Variants in FRMD4A observed in about 807,000 individuals in gnomAD.
FRMD4A encodes the protein FERM domain containing 4A, also known as FERM domain-containing protein 4A.
A neutral mutation model predicts 129.1 loss-of-function variants in FRMD4A; 29 were observed. That is an observed-to-expected ratio of 0.22 (90% confidence interval 0.17 to 0.31). FRMD4A has a LOEUF of 0.31. Ranked by LOEUF, FRMD4A falls within the 10% of genes least tolerant of loss-of-function variation. The pLI, the probability that FRMD4A is intolerant of heterozygous loss-of-function variation, is 1.00. For synonymous variants in FRMD4A, 634 were observed against 571.6 expected, an observed-to-expected ratio of 1.11 and a Z score of -1.56; for missense variants, 1,272 against 1,375.8, an observed-to-expected ratio of 0.92 and a Z score of 1.19.
intron 2 of FRMD4A, among the ~76,000 whole-genome samples, chr10:14,203,645 G>A (rs1285645497): frequency 3.3e-5 from 5 of 152,130 alleles, no homozygotes; most frequent in African/African-American, 7.2e-5. Flanking sequence ...CGCTTCCCAC[G>A]GGGGTCACCT....
At chr10:13,738,978 C>T (rs2090826891) in intron 11 of FRMD4A, among the ~76,000 whole-genome samples, 1 of 152,082 alleles carries the variant, frequency 6.6e-6, no homozygotes, top group Non-Finnish European at 1.5e-5. Flanking sequence ...ATTCTATATT[C>T]AAATAGGATG....
intron 2 of FRMD4A, among the ~76,000 whole-genome samples, chr10:14,052,548 G>A (rs147166510): frequency 1.3e-5 from 2 of 152,078 alleles, no homozygotes; most frequent in East Asian, 3.9e-4. Flanking sequence ...TGGGGAGGAG[G>A]TGCCAGGCTC....
At chr10:13,706,239 G>T (rs1162981583) in intron 13 of FRMD4A, among the ~76,000 whole-genome samples, 2 of 152,192 alleles carry the variant, frequency 1.3e-5, no homozygotes, top group Admixed American at 6.5e-5. Flanking sequence ...CTTATGGAAA[G>T]TGATTTCTTA....
chr10:14,019,565 T>A (rs1229542995), intron 2 of FRMD4A, among the ~76,000 whole-genome samples: 1 of 152,244 alleles, frequency 6.6e-6, no homozygotes, highest in Non-Finnish European at 1.5e-5. Flanking sequence ...AGGAAAGGAC[T>A]GGAGCCTGGG....
intron 2 of FRMD4A, among the ~76,000 whole-genome samples, chr10:13,865,924 A>T (rs550103350): frequency 1.3e-5 from 2 of 152,168 alleles, no homozygotes; most frequent in South Asian, 2.1e-4. Flanking sequence ...GAGGGAAGGT[A>T]CGGTGAGGGA....
Position 13,747,830 on chromosome 10 carries a change from G to C in FRMD4A, c.465-11C>G, listed in dbSNP as rs1482348976. ...CTCACAACTTCATTGCTGAAAGAGA[G>C]AATGCCCAGAAACGCACTCACCCTC... On this transcript the variant is annotated splice_polypyrimidine_tract_variant and intron_variant, in intron 8 of 24. Coordinates refer to ENST00000357447, the MANE Select transcript of FRMD4A (RefSeq NM_018027.5). 3 of 1,501,532 alleles carry C rather than the reference G, an allele frequency of 2.0e-6. No homozygotes were observed. Among genetic ancestry groups the C allele is most frequent in the Non-Finnish European group, 2.8e-6 (3 of 1,077,556 alleles). 93.0% of individuals were successfully genotyped at this position (1,501,532 alleles called of 1,614,324 possible).
intron 6 of FRMD4A, among the ~76,000 whole-genome samples, chr10:13,770,800 C>A (rs1277966042): frequency 6.6e-6 from 1 of 152,080 alleles, no homozygotes; most frequent in African/African-American, 2.4e-5. Flanking sequence ...TCCATGTAAG[C>A]TTGTTTCTTG....
At chr10:13,892,189 A>T (rs1589188074) in intron 2 of FRMD4A, among the ~76,000 whole-genome samples, 2 of 151,124 alleles carry the variant, frequency 1.3e-5, no homozygotes, top group South Asian at 4.2e-4. Context: ...CAAGCGGGGG[A>T]CCCCTGGCTC....
chr10:13,874,694 C>T (rs1997330), intron 2 of FRMD4A, among the ~76,000 whole-genome samples: 152,109 of 152,350 alleles, frequency 1, 75,936 homozygotes, highest in Middle Eastern at 1. Flanking sequence ...GCTAAAAAGT[C>T]CAGATCCTTG....
chr10:13,691,389 C>T (rs1018676750), intron 15 of FRMD4A, among the ~76,000 whole-genome samples: 1 of 152,184 alleles, frequency 6.6e-6, no homozygotes, highest in Non-Finnish European at 1.5e-5. Context: ...AAATTGCTGC[C>T]TTGGTGCCCC....
intron 12 of FRMD4A, among the ~76,000 whole-genome samples, chr10:13,720,987 C>T (rs2089357783): frequency 6.6e-6 from 1 of 152,218 alleles, no homozygotes; most frequent in Non-Finnish European, 1.5e-5. Flanking sequence ...TGGCCACATA[C>T]CATATGGTTC....
At chr10:14,045,197 G>A (rs1833937006) in intron 2 of FRMD4A, among the ~76,000 whole-genome samples, 1 of 152,082 alleles carries the variant, frequency 6.6e-6, no homozygotes, top group Admixed American at 6.6e-5. Flanking sequence ...GCCATTCCCT[G>A]GTCCTTCTGC....
chr10:13,838,500 C>T (rs1747241493), intron 3 of FRMD4A, among the ~76,000 whole-genome samples: 1 of 145,918 alleles, frequency 6.9e-6, no homozygotes, highest in African/African-American at 2.5e-5. Flanking sequence ...CCCTCCCTCC[C>T]TTTTTTTTTT....
intron 2 of FRMD4A, among the ~76,000 whole-genome samples, chr10:14,196,287 C>T (rs899579287): frequency 1.3e-5 from 2 of 152,178 alleles, no homozygotes; most frequent in Non-Finnish European, 2.9e-5. Context: ...TCAACTCAAC[C>T]TTGAGCTACT....
intron 2 of FRMD4A, among the ~76,000 whole-genome samples, chr10:14,164,948 TCTC>T (rs1841097098): frequency 6.6e-6 from 1 of 152,110 alleles, no homozygotes; most frequent in Non-Finnish European, 1.5e-5. Context: ...CCAAGACAAT[TCTC>T]CTTCCAGTGT....
chr10:13,836,469 C>CAA (rs2093875058), intron 3 of FRMD4A, among the ~76,000 whole-genome samples: 1 of 151,940 alleles, frequency 6.6e-6, no homozygotes, highest in Non-Finnish European at 1.5e-5. Flanking sequence ...ATTGACAATT[C>CAA]TTTGGGGGGC....
intron 6 of FRMD4A, among the ~76,000 whole-genome samples, chr10:13,781,162 G>A (rs1159636629): frequency 6.6e-6 from 1 of 151,758 alleles, no homozygotes; most frequent in Non-Finnish European, 1.5e-5. Context: ...AAATTAGCTG[G>A]GTGAGGTGGC....
intron 13 of FRMD4A, among the ~76,000 whole-genome samples, chr10:13,705,461 C>T (rs377537146): frequency 4.6e-5 from 7 of 152,282 alleles, no homozygotes; most frequent in East Asian, 3.9e-4. Context: ...CTATTCCCTG[C>T]GCTCAGCCCC....
At chr10:14,303,132 T>A (rs1200365113) in intron 2 of FRMD4A, among the ~76,000 whole-genome samples, 1 of 152,176 alleles carries the variant, frequency 6.6e-6, no homozygotes, top group Non-Finnish European at 1.5e-5. Flanking sequence ...ATGCTCACAT[T>A]CCATTTCAAG....
Sources: gnomAD v4.1 joint callset for allele counts (sites outside exome capture counted in the v4.1 genomes callset) on GRCh38, gnomAD v4.1.1 for gene constraint, MANE v1.5 for transcripts, NCBI Gene and HGNC (gene_info 2026-07-23, HGNC 2026-07-21) for gene names.